The following CADPS2 variants were observed in gnomAD, a reference collection of about 807,000 sequenced individuals.
CADPS2 encodes the protein calcium-dependent secretion activator 2.
Under a neutral mutation model 172.5 loss-of-function variants are expected in CADPS2, and 93 were observed. The ratio of observed to expected loss-of-function variants is 0.54; its 90% CI spans 0.46 to 0.64. The LOEUF is 0.64. Ranked by LOEUF, CADPS2 falls within the 30% of genes least tolerant of loss-of-function variation. The pLI is 0.00. For missense variants in CADPS2, 1,420 were observed against 1,565.9 expected (o/e 0.91, Z 1.57); for synonymous variants, 546 against 555.2 (o/e 0.98, Z 0.23).
intron 8 of CADPS2, 35 bp downstream of exon 8, chr7:122,554,515 T>C: frequency 3.9e-6 from 6 of 1,549,528 alleles, no homozygotes; most frequent in Non-Finnish European, 5.2e-6. Context: ...TGAAATTCAA[T>C]AATTCAGGAA....
chr7:122,785,807 T>C (rs1474317245), intron 1 of CADPS2, among the ~76,000 whole-genome samples: 3 of 152,116 alleles, frequency 2.0e-5, no homozygotes, highest in East Asian at 3.9e-4. Context: ...ATTCTCTCAC[T>C]AGGGCTCAGA....
At chr7:122,467,827 T>C (rs2055362182) in intron 14 of CADPS2, among the ~76,000 whole-genome samples, 1 of 152,172 alleles carries the variant, frequency 6.6e-6, no homozygotes, top group African/African-American at 2.4e-5. Flanking sequence ...TGAAAGCCTC[T>C]TTTCTCCTTC....
intron 17 of CADPS2, among the ~76,000 whole-genome samples, chr7:122,418,770 T>C (rs879599514): frequency 6.6e-6 from 1 of 152,180 alleles, no homozygotes; most frequent in Non-Finnish European, 1.5e-5. Flanking sequence ...AATGATGATG[T>C]ATGGTTGATA....
At chr7:122,419,553 T>C (rs1449496942) in intron 17 of CADPS2, among the ~76,000 whole-genome samples, 1 of 152,142 alleles carries the variant, frequency 6.6e-6, no homozygotes, top group Non-Finnish European at 1.5e-5. Flanking sequence ...AATTTTTGTA[T>C]GTAGAGGCAT....
intron 27 of CADPS2, among the ~76,000 whole-genome samples, chr7:122,350,997 T>G (rs1197210120): frequency 1.3e-5 from 2 of 151,478 alleles, no homozygotes; most frequent in Non-Finnish European, 2.9e-5. Context: ...AGGAAGAAAT[T>G]TAAACAACGA....
At chr7:122,670,861 C>CT (rs1209881013) in intron 2 of CADPS2, among the ~76,000 whole-genome samples, 1 of 135,980 alleles carries the variant, frequency 7.4e-6, no homozygotes, top group East Asian at 2.0e-4. Flanking sequence ...AGCAGTGAAA[C>CT]CCTGTTTCAA....
At position 122,694,891 on chromosome 7, in the gene CADPS2, A is replaced by C. The variant is rs142306398; in HGVS notation, c.454-31322T>G. On this transcript the variant is annotated intron_variant, in intron 2 of 29. Coordinates refer to ENST00000449022, the MANE Select transcript of CADPS2 (RefSeq NM_017954.11). Reference sequence around the variant, plus strand: ...AGACTCCTTCACAGTAGCAGCATGTAAAAATTTCTCTGCTTGCTTCAGTGC... The same window carrying C: ...AGACTCCTTCACAGTAGCAGCATGTCAAAATTTCTCTGCTTGCTTCAGTGC... Among the ~76,000 whole-genome samples the C allele has an allele frequency of 2.0e-3, 310 of 152,330 alleles. 1 individual carries two copies. The highest frequency in any genetic ancestry group is 3.8e-3 in the Non-Finnish European group (256 of 68,014).
At chr7:122,609,863 G>A (rs1168944583) in intron 6 of CADPS2, among the ~76,000 whole-genome samples, 1 of 152,128 alleles carries the variant, frequency 6.6e-6, no homozygotes, top group Non-Finnish European at 1.5e-5. Flanking sequence ...TTTGGAAAAC[G>A]TGTCTGAGAC....
intron 1 of CADPS2, among the ~76,000 whole-genome samples, chr7:122,759,054 C>A (rs972981882): frequency 6.6e-6 from 1 of 151,092 alleles, no homozygotes; most frequent in Non-Finnish European, 1.5e-5. Context: ...CCAAAAAAAT[C>A]TTCAGTTTCA....
At chr7:122,724,814 T>G (rs2090909000) in intron 2 of CADPS2, among the ~76,000 whole-genome samples, 1 of 152,084 alleles carries the variant, frequency 6.6e-6, no homozygotes, top group Non-Finnish European at 1.5e-5. Context: ...CAGCGATTTC[T>G]AACCATTTTT....
At chr7:122,564,515 G>A (rs974766353) in intron 7 of CADPS2, among the ~76,000 whole-genome samples, 2 of 151,894 alleles carry the variant, frequency 1.3e-5, no homozygotes, top group Non-Finnish European at 2.9e-5. Context: ...CACCATACTG[G>A]CCAGGCTAGT....
intron 20 of CADPS2, among the ~76,000 whole-genome samples, chr7:122,400,204 G>C (rs907522512): frequency 5.3e-5 from 8 of 151,944 alleles, no homozygotes; most frequent in Non-Finnish European, 7.4e-5. Context: ...GGGAGGCCGA[G>C]GCGGGTGGAT....
chr7:122,804,976 TGA>T (rs1446796585), intron 1 of CADPS2, among the ~76,000 whole-genome samples: 2 of 152,214 alleles, frequency 1.3e-5, no homozygotes, highest in African/African-American at 2.4e-5. Context: ...TGTACTTCAG[TGA>T]GAGAACTCTG....
intron 2 of CADPS2, among the ~76,000 whole-genome samples, chr7:122,732,797 TTA>T (rs1219349890): frequency 2.8e-5 from 4 of 142,762 alleles, no homozygotes; most frequent in Admixed American, 7.3e-5. Context: ...TATATATACA[TTA>T]TATATTATAT....
chr7:122,656,238 G>T (rs1588167014), intron 3 of CADPS2, among the ~76,000 whole-genome samples: 1 of 152,066 alleles, frequency 6.6e-6, no homozygotes, highest in African/African-American at 2.4e-5. Context: ...TAATAGTGAG[G>T]ATCCAAAAAA....
chr7:122,817,994 G>C (rs35508723), intron 1 of CADPS2, among the ~76,000 whole-genome samples: 5 of 107,784 alleles, frequency 4.6e-5, no homozygotes, highest in Admixed American at 1.0e-4. Flanking sequence ...TCCATGCCCC[G>C]ACCCCTTATT....
chr7:122,790,465 A>G (rs1332949555), intron 1 of CADPS2, among the ~76,000 whole-genome samples: 3 of 151,916 alleles, frequency 2.0e-5, no homozygotes, highest in African/African-American at 7.2e-5. Flanking sequence ...GGATTTTATT[A>G]ATGTTCCTAT....
intron 1 of CADPS2, among the ~76,000 whole-genome samples, chr7:122,738,564 G>C (rs1316314902): frequency 6.6e-6 from 1 of 152,110 alleles, no homozygotes; most frequent in African/African-American, 2.4e-5. Context: ...GGAATCTACA[G>C]AGGGATGTGA....
chr7:122,371,960 G>A (rs572348068), intron 25 of CADPS2, among the ~76,000 whole-genome samples: 3 of 150,672 alleles, frequency 2.0e-5, no homozygotes, highest in South Asian at 2.1e-4. Context: ...CTGGAAATAC[G>A]GGATTTTAGG....
Sources: allele counts gnomAD v4.1 joint callset (sites outside exome capture counted in the v4.1 genomes callset), GRCh38; gene constraint gnomAD v4.1.1; transcripts MANE v1.5; gene names NCBI Gene and HGNC (gene_info 2026-07-23, HGNC 2026-07-21).